Variants in CADM2 observed in about 807,000 individuals in gnomAD.
The protein encoded by CADM2 is cell adhesion molecule 2.
Under a neutral mutation model 49.8 loss-of-function variants are expected in CADM2, and 12 were observed. That is an observed-to-expected ratio of 0.24 (90% confidence interval 0.15 to 0.39). The LOEUF (loss-of-function observed/expected upper bound fraction) is 0.39. CADM2 is among the 10% of genes least tolerant of loss of function. The pLI is 1.00. For missense variants in CADM2, 378 were observed against 492.3 expected (o/e 0.77, Z 2.20); for synonymous variants, 214 against 175.4 (o/e 1.22, Z -1.74).
chr3:85,768,806 CATATATAGTAT>C (rs2069826135), intron 2 of CADM2, among the ~76,000 whole-genome samples: 1 of 101,324 alleles, frequency 9.9e-6, no homozygotes, highest in East Asian at 2.8e-4. Flanking sequence ...CACATATATA[CATATATAGTAT>C]ATATACACAT....
chr3:85,791,503 G>A (rs9823041), intron 2 of CADM2, among the ~76,000 whole-genome samples: 186 of 143,816 alleles, frequency 1.3e-3, no homozygotes, highest in African/African-American at 4.6e-3. Context: ...AACAGATGAC[G>A]GAGAGAGGGG....
chr3:85,240,752 C>G (rs1472678682), intron 1 of CADM2, among the ~76,000 whole-genome samples: 1 of 151,358 alleles, frequency 6.6e-6, no homozygotes, highest in Non-Finnish European at 1.5e-5. Flanking sequence ...GCTAAGACAC[C>G]TAAAGATGAG....
intron 3 of CADM2, among the ~76,000 whole-genome samples, chr3:85,872,127 G>A (rs900509120): frequency 2.0e-5 from 3 of 152,154 alleles, no homozygotes; most frequent in African/African-American, 7.2e-5. Context: ...ATGTGACCAA[G>A]GCCAAGTCAA....
At position 85,769,481 on chromosome 3, in the gene CADM2, GTATATACATATATACATATATGTA is replaced by G. The variant is rs1354639074; in HGVS notation, c.89-32557_89-32534del. On this transcript the variant is annotated intron_variant, in intron 2 of 9. Transcript: ENST00000383699. ...ATATACATATATAGTATATATACAC[GTATATACATATATACATATATGTA>G]TATATACACGTATATACATATATGT... 6.0e-3 allele frequency among the ~76,000 whole-genome samples: 321 copies of G among 53,324 alleles called. 23 individuals carry two copies. Among genetic ancestry groups the G allele is most frequent in the Middle Eastern group, 0.017 (1 of 58 alleles). 35.0% of individuals were successfully genotyped at this position (53,324 alleles called of 152,430 possible). A position where few individuals can be genotyped will look rare whatever the true frequency, so the allele number is the denominator to read the frequency against.
In CADM2 at chr3:86,069,956, T is replaced by C. The variant is rs1198577498; in HGVS notation, c.*3173T>C. ...GCGCATGAGCAGAGTACTGATGGTGTGCGTGTTTGTGTGTGTGTATATGTG... is the reference window on the plus strand; with the variant it reads ...GCGCATGAGCAGAGTACTGATGGTGCGCGTGTTTGTGTGTGTGTATATGTG... On this transcript the variant is annotated 3_prime_UTR_variant, in exon 10 of 10. Transcript: ENST00000383699. 3 of 151,982 alleles carry C rather than the reference T, an allele frequency of 2.0e-5. No individual in the cohort carries two copies. The highest frequency in any genetic ancestry group is 2.0e-4 in the Admixed American group (3 of 15,240). The allele number at this position is 151,982 out of a possible 1,614,324, so 9.4% of individuals were successfully genotyped here.
intron 8 of CADM2, among the ~76,000 whole-genome samples, chr3:86,016,725 A>G (rs1271984246): frequency 6.6e-6 from 1 of 152,152 alleles, no homozygotes; most frequent in Non-Finnish European, 1.5e-5. Flanking sequence ...TTTTATGATA[A>G]TGTTAACACT....
chr3:85,049,907 T>C (rs968289569), intron 1 of CADM2, among the ~76,000 whole-genome samples: 3 of 152,152 alleles, frequency 2.0e-5, no homozygotes, highest in African/African-American at 7.2e-5. Flanking sequence ...CTCAGGCTGC[T>C]ACATTTAATA....
chr3:86,011,763 A>G (rs1185367900), intron 8 of CADM2, among the ~76,000 whole-genome samples: 1 of 152,180 alleles, frequency 6.6e-6, no homozygotes, highest in Non-Finnish European at 1.5e-5. Context: ...TAAAAAAAGA[A>G]AAATGCTAGA....
chr3:85,405,928 A>C (rs897896061), intron 1 of CADM2, among the ~76,000 whole-genome samples: 1 of 151,846 alleles, frequency 6.6e-6, no homozygotes, highest in Non-Finnish European at 1.5e-5. Flanking sequence ...AAATAAAATA[A>C]ATAAAATAAA....
chr3:86,040,901 G>T (rs906156834), intron 8 of CADM2, among the ~76,000 whole-genome samples: 13 of 152,174 alleles, frequency 8.5e-5, no homozygotes, highest in African/African-American at 3.1e-4. Flanking sequence ...AACTCTACAA[G>T]CCAGAAGAGA....
intron 8 of CADM2, among the ~76,000 whole-genome samples, chr3:86,055,554 C>G (rs1385636242): frequency 6.9e-6 from 1 of 145,804 alleles, no homozygotes; most frequent in Non-Finnish European, 1.5e-5. Flanking sequence ...GCAAACTCTG[C>G]CTCCTGGGTT....
chr3:85,921,362 G>A (rs954145892), intron 6 of CADM2, among the ~76,000 whole-genome samples: 1 of 151,578 alleles, frequency 6.6e-6, no homozygotes, highest in African/African-American at 2.4e-5. Flanking sequence ...TGAGAAAAAC[G>A]TATAGTTAGA....
intron 2 of CADM2, among the ~76,000 whole-genome samples, chr3:85,745,479 A>T (rs964905649): frequency 2.0e-5 from 3 of 151,668 alleles, no homozygotes; most frequent in Admixed American, 6.6e-5. Context: ...TGGAGAAAAT[A>T]AAAAAAACAG....
At chr3:85,303,025 C>CTA (rs1463008005) in intron 1 of CADM2, among the ~76,000 whole-genome samples, 5 of 151,924 alleles carry the variant, frequency 3.3e-5, no homozygotes, top group African/African-American at 1.2e-4. Flanking sequence ...TCTTTCATAA[C>CTA]TATACACAGT....
intron 1 of CADM2, among the ~76,000 whole-genome samples, chr3:85,559,612 T>A (rs1278945367): frequency 6.6e-6 from 1 of 151,890 alleles, no homozygotes; most frequent in African/African-American, 2.4e-5. Flanking sequence ...CATATACAAC[T>A]TTTTAAAAAT....
chr3:85,415,167 A>G (rs1218402338), intron 1 of CADM2, among the ~76,000 whole-genome samples: 1 of 152,148 alleles, frequency 6.6e-6, no homozygotes, highest in Non-Finnish European at 1.5e-5. Context: ...TAAACTTTGT[A>G]TCTTCAGAAA....
chr3:85,998,969 T>C (rs1729783002), intron 8 of CADM2, among the ~76,000 whole-genome samples: 1 of 152,180 alleles, frequency 6.6e-6, no homozygotes, highest in Non-Finnish European at 1.5e-5. Flanking sequence ...AGCTTTGGTC[T>C]CTGGGTGTTT....
At chr3:85,487,197 T>G (rs1460729198) in intron 1 of CADM2, among the ~76,000 whole-genome samples, 2 of 152,192 alleles carry the variant, frequency 1.3e-5, no homozygotes, top group Non-Finnish European at 2.9e-5. Flanking sequence ...TAAGCTACAT[T>G]TGAACAAGTC....
intron 1 of CADM2, among the ~76,000 whole-genome samples, chr3:85,428,104 T>C (rs1344900743): frequency 6.6e-6 from 1 of 151,578 alleles, no homozygotes; most frequent in Non-Finnish European, 1.5e-5. Flanking sequence ...ATAATTAGTG[T>C]GATGCTGGTT....
Sources: allele counts gnomAD v4.1 joint callset (sites outside exome capture counted in the v4.1 genomes callset), GRCh38; gene constraint gnomAD v4.1.1; transcripts MANE v1.5; gene names NCBI Gene and HGNC (gene_info 2026-07-23, HGNC 2026-07-21).